The following RNF38 variants were observed in gnomAD, a reference collection of about 807,000 sequenced individuals.
RNF38 encodes E3 ubiquitin-protein ligase RNF38.
In RNF38, 15 loss-of-function variants were observed where a neutral mutation model predicts 67.2. The ratio of observed to expected loss-of-function variants is 0.22; its 90% CI spans 0.15 to 0.34. RNF38 has a LOEUF of 0.34. Ranked by LOEUF, RNF38 falls within the 10% of genes least tolerant of loss-of-function variation. The probability of loss-of-function intolerance (pLI) is 1.00; values close to 1 mark genes in which losing one functional copy is unlikely to be tolerated. For missense variants in RNF38, 524 were observed against 639.9 expected (o/e 0.82, Z 1.95); for synonymous variants, 220 against 218.8 (o/e 1.01, Z -0.05).
intron 1 of RNF38, among the ~76,000 whole-genome samples, chr9:36,478,320 C>T (rs182953741): frequency 6.3e-5 from 9 of 142,732 alleles, no homozygotes; most frequent in African/African-American, 1.3e-4. Context: ...AGGAGAATGG[C>T]GTGAACCTGG....
At chr9:36,357,477 A>G (rs577084890) in intron 5 of RNF38, among the ~76,000 whole-genome samples, 1 of 152,338 alleles carries the variant, frequency 6.6e-6, no homozygotes, top group East Asian at 1.9e-4. Context: ...ATGAGAAAAC[A>G]TGGTTTGACC....
intron 9 of RNF38, among the ~76,000 whole-genome samples, chr9:36,345,980 TAGC>T (rs1181084240): frequency 1.3e-5 from 2 of 152,222 alleles, no homozygotes; most frequent in Non-Finnish European, 2.9e-5. Context: ...CTGGTTATGT[TAGC>T]AGCCAATGAT....
upstream of RNF38, chr9:36,400,878 G>A (rs1192180156): frequency 1.6e-5 from 16 of 984,216 alleles, no homozygotes; most frequent in South Asian, 6.4e-4. Flanking sequence ...CCGCACTAGG[G>A]GCCCGGCCCG....
chr9:36,384,960 G>A (rs918283932), intron 2 of RNF38, among the ~76,000 whole-genome samples: 2 of 152,144 alleles, frequency 1.3e-5, no homozygotes, highest in African/African-American at 4.8e-5. Flanking sequence ...GAGCATGGCT[G>A]GCCATCAGAA....
chr9:36,391,809 T>A (rs561355130), intron 1 of RNF38, among the ~76,000 whole-genome samples: 1 of 152,230 alleles, frequency 6.6e-6, no homozygotes, highest in Non-Finnish European at 1.5e-5. Context: ...GAGACGGGGT[T>A]TCACTGTGTT....
chr9:36,444,896 A>G (rs1839267482), intron 1 of RNF38, among the ~76,000 whole-genome samples: 1 of 150,620 alleles, frequency 6.6e-6, no homozygotes, highest in South Asian at 2.1e-4. Context: ...ATAGTTTCAT[A>G]CTGCAGCTTT....
chr9:36,472,902 TG>T (rs1443210943), intron 1 of RNF38, among the ~76,000 whole-genome samples: 1 of 150,956 alleles, frequency 6.6e-6, no homozygotes, highest in Non-Finnish European at 1.5e-5. Context: ...GGTCAGGAGG[TG>T]GGTGGATCAC....
chr9:36,417,913 G>C (rs1432788995), intron 2 of RNF38, among the ~76,000 whole-genome samples: 1 of 152,162 alleles, frequency 6.6e-6, no homozygotes, highest in African/African-American at 2.4e-5. Flanking sequence ...CAAGGAACTT[G>C]ATTTTACAAG....
At chr9:36,396,941 T>C (rs538439834) in intron 1 of RNF38, among the ~76,000 whole-genome samples, 1 of 150,772 alleles carries the variant, frequency 6.6e-6, no homozygotes, top group African/African-American at 2.4e-5. Context: ...AAATGACACA[T>C]GAAAAAGACT....
At chr9:36,474,243 G>C (rs1047939080) in intron 1 of RNF38, among the ~76,000 whole-genome samples, 2 of 150,944 alleles carry the variant, frequency 1.3e-5, no homozygotes, top group Non-Finnish European at 2.9e-5. Context: ...AACCTGGGAG[G>C]CGGAGCTTGC....
chr9:36,358,154 A>G (rs887363699), intron 4 of RNF38, among the ~76,000 whole-genome samples: 40 of 152,164 alleles, frequency 2.6e-4, no homozygotes, highest in Admixed American at 2.1e-3. Context: ...AATTGGGGCT[A>G]AACTCCTCCC....
At chr9:36,480,548 CTTTTTT>C (rs3072687) in intron 1 of RNF38, among the ~76,000 whole-genome samples, 42 of 100,822 alleles carry the variant, frequency 4.2e-4, no homozygotes, top group Admixed American at 5.2e-4. Context: ...TTTTCTTTTT[CTTTTTT>C]TTTTTTTTTT....
chr9:36,369,477 A>G (rs1275548595), intron 4 of RNF38, among the ~76,000 whole-genome samples: 1 of 152,078 alleles, frequency 6.6e-6, no homozygotes, highest in East Asian at 1.9e-4. Flanking sequence ...TCAGCCTCCC[A>G]AAGTGCTGGG....
chr9:36,453,992 C>T (rs1299003386), intron 1 of RNF38, among the ~76,000 whole-genome samples: 1 of 152,114 alleles, frequency 6.6e-6, no homozygotes, highest in Admixed American at 6.5e-5. Flanking sequence ...AATTGCCACT[C>T]TAATAATTAT....
At chr9:36,455,904 C>G (rs1339568651) in intron 1 of RNF38, among the ~76,000 whole-genome samples, 1 of 149,528 alleles carries the variant, frequency 6.7e-6, no homozygotes, top group African/African-American at 2.5e-5. Context: ...GAGCAAGACT[C>G]CACCTCAAAA....
intron 1 of RNF38, among the ~76,000 whole-genome samples, chr9:36,466,921 T>C (rs1839873029): frequency 6.6e-6 from 1 of 151,062 alleles, no homozygotes; most frequent in African/African-American, 2.4e-5. Flanking sequence ...CTCACACCTG[T>C]AATCACAGCA....
In RNF38 at chr9:36,337,745, AG is replaced by A. The variant is rs1480119049; in HGVS notation, c.*2006del. On this transcript the variant is annotated 3_prime_UTR_variant, in exon 12 of 12. Coordinates refer to ENST00000259605, the MANE Select transcript of RNF38 (RefSeq NM_022781.5). The stretch of plus-strand genomic sequence containing the variant: ...GTCTTTAACACACTTTTTATTCATC[AG>A]GAACAGGTGAGGGATATCCTAATGA... 6.6e-6 allele frequency: 1 copy of A among 152,610 alleles called. No homozygotes were observed. Among genetic ancestry groups the A allele is most frequent in the East Asian group, 1.9e-4 (1 of 5,206 alleles). 9.5% of individuals were successfully genotyped at this position (152,610 alleles called of 1,614,324 possible).
At chr9:36,474,599 G>T (rs1305297303) in intron 1 of RNF38, among the ~76,000 whole-genome samples, 1 of 148,024 alleles carries the variant, frequency 6.8e-6, no homozygotes, top group African/African-American at 2.5e-5. Flanking sequence ...CATCTCCAGC[G>T]AGTTGTTTAA....
intron 1 of RNF38, among the ~76,000 whole-genome samples, chr9:36,460,706 GGAGAAACCCC>G (rs1247112216): frequency 6.6e-5 from 10 of 151,774 alleles, no homozygotes; most frequent in Admixed American, 5.9e-4. Context: ...TGACCAACGT[GGAGAAACCCC>G]ATCTCTACTA....
Sources: allele counts gnomAD v4.1 joint callset (sites outside exome capture counted in the v4.1 genomes callset), GRCh38; gene constraint gnomAD v4.1.1; transcripts MANE v1.5; gene names NCBI Gene and HGNC (gene_info 2026-07-23, HGNC 2026-07-21).